Variants in NAV3 observed in about 807,000 individuals in gnomAD.
NAV3 encodes the protein neuron navigator 3, also known as pore membrane and/or filament interacting like protein 1.
In NAV3, 87 loss-of-function variants were observed where a neutral mutation model predicts 244.7. That is an observed-to-expected ratio of 0.36 (90% CI 0.30 to 0.42). The LOEUF is 0.42. Ranked by LOEUF, NAV3 falls within the 20% of genes least tolerant of loss-of-function variation. NAV3 has a pLI of 1.00. For missense variants in NAV3, 2,663 were observed against 2,893.3 expected, an observed-to-expected ratio of 0.92 and a Z score of 1.83; for synonymous variants, 1,126 against 1,042.2, an observed-to-expected ratio of 1.08 and a Z score of -1.55.
At chr12:78,121,258 C>A (rs553317890) in intron 15 of NAV3, among the ~76,000 whole-genome samples, 3 of 152,292 alleles carry the variant, frequency 2.0e-5, no homozygotes, top group Non-Finnish European at 2.9e-5. Context: ...CTGAACTAAA[C>A]TCCAAAATCT....
intron 2 of NAV3, among the ~76,000 whole-genome samples, chr12:77,809,451 G>A (rs1005448953): frequency 6.6e-6 from 1 of 152,268 alleles, no homozygotes; most frequent in South Asian, 2.1e-4. Flanking sequence ...TGTGCTTCCC[G>A]GGTGAGGTGA....
At chr12:78,120,104 T>A (rs1955607748) in intron 15 of NAV3, among the ~76,000 whole-genome samples, 159 bp downstream of exon 15, 1 of 151,892 alleles carries the variant, frequency 6.6e-6, no homozygotes, top group Non-Finnish European at 1.5e-5. Context: ...CTATGAAGCT[T>A]ATCATATAAA....
intron 2 of NAV3, among the ~76,000 whole-genome samples, chr12:77,813,901 G>A (rs773019745): frequency 2.7e-4 from 41 of 152,082 alleles, no homozygotes; most frequent in Non-Finnish European, 5.1e-4. Flanking sequence ...ATACATCTCA[G>A]CGATTTTTAA....
rs1218112040 is a variant in NAV3 at position 77,831,689 on chromosome 12, G to A, written c.228G>A (p.Glu76=). ...EKKPLQGKAK[E]KEDSKIYTDW... The stretch of plus-strand genomic sequence containing the variant: ...AACCCCTCCAAGGAAAAGCCAAGGA[G>A]AAAGAAGACAGCAAGGTTAGTTGCT... Residue 76 remains glutamate (E), a synonymous_variant, in exon 1 of 40, where the codon GAG becomes GAA. Transcript: ENST00000397909. 8 of 1,606,742 alleles carry A rather than the reference G, an allele frequency of 5.0e-6. No homozygotes were observed. The highest frequency in any genetic ancestry group is 6.8e-6 in the Non-Finnish European group (8 of 1,177,770).
chr12:78,160,907 C>A (rs1423575444), intron 23 of NAV3, among the ~76,000 whole-genome samples: 1 of 151,446 alleles, frequency 6.6e-6, no homozygotes, highest in African/African-American at 2.4e-5. Flanking sequence ...TTCCTTCCTG[C>A]CTCTTTTCTA....
chr12:78,078,280 A>C (rs749472528), intron 12 of NAV3, among the ~76,000 whole-genome samples: 4 of 151,326 alleles, frequency 2.6e-5, no homozygotes, highest in Admixed American at 2.0e-4. Flanking sequence ...TACACAATTC[A>C]ACCGATAACA....
intron 6 of NAV3, among the ~76,000 whole-genome samples, chr12:77,997,513 A>G (rs1416591255): frequency 6.6e-6 from 1 of 152,192 alleles, no homozygotes; most frequent in African/African-American, 2.4e-5. Context: ...TAATTATAAG[A>G]TAGTCTGTTC....
intron 2 of NAV3, among the ~76,000 whole-genome samples, chr12:77,600,711 A>G (rs899472408): frequency 6.6e-6 from 1 of 151,930 alleles, no homozygotes; most frequent in Admixed American, 6.6e-5. Context: ...ATGAATAGAA[A>G]CATGGTCAGA....
intron 6 of NAV3, among the ~76,000 whole-genome samples, chr12:77,996,909 C>G (rs1872434926): frequency 6.6e-6 from 1 of 152,068 alleles, no homozygotes; most frequent in South Asian, 2.1e-4. Context: ...CTAAACAAAA[C>G]TTTCAATATC....
In NAV3 at chr12:78,119,721, C is replaced by G. The variant is rs768738816; in HGVS notation, c.3525C>G (p.Thr1175=). The G allele has an allele frequency of 2.5e-6, 4 of 1,614,182 alleles. No individual in the cohort carries two copies. The highest frequency in any genetic ancestry group is 1.7e-5 in the Admixed American group (1 of 60,026). ...NVSSKSAGAT[T]SKLREPTKIG... The stretch of plus-strand genomic sequence containing the variant: ...GCAGCAAGTCTGCTGGGGCCACCAC[C>G]TCGAAACTGAGAGAACCAACTAAAA... The change falls in exon 15 of 40, where the codon ACC becomes ACG. Residue 1175 remains threonine (T), a synonymous_variant. Coordinates refer to ENST00000397909, the MANE Select transcript of NAV3 (RefSeq NM_001024383.2).
chr12:77,825,298 A>C (rs1361380195), intron 2 of NAV3, among the ~76,000 whole-genome samples: 1 of 152,228 alleles, frequency 6.6e-6, no homozygotes, highest in Non-Finnish European at 1.5e-5. Context: ...CCAGAAATGG[A>C]AATTATGTGG....
intron 2 of NAV3, among the ~76,000 whole-genome samples, chr12:77,665,642 A>G (rs1431671283): frequency 6.6e-6 from 1 of 152,202 alleles, no homozygotes; most frequent in South Asian, 2.1e-4. Flanking sequence ...AAACTATTAA[A>G]CATCTACTTT....
rs756315235 is a variant in NAV3, at chr12:78,137,343, A to G, written c.4608A>G (p.Ser1536=). Residue 1536 remains serine, a synonymous_variant, in exon 19 of 40, where the codon TCA becomes TCG. Transcript: ENST00000397909. ...CTCGTGCCATCAGTCATTCGGGCTC[A>G]TTCAGAGACAGCATGGAAGAAGGTA... ...ERPRAISHSG[S]FRDSMEEVHG... is the part of the protein sequence containing the mutation. The G allele has an allele frequency of 3.1e-6, 5 of 1,612,304 alleles. No homozygotes were observed. In the Admixed American group the frequency reaches 8.3e-5, roughly 27 times the overall value.
intron 12 of NAV3, among the ~76,000 whole-genome samples, chr12:78,083,440 A>G (rs1388572035): frequency 6.6e-6 from 1 of 152,168 alleles, no homozygotes; most frequent in Admixed American, 6.5e-5. Context: ...TATCCCTCCT[A>G]GTTATCATTT....
chr12:78,198,065 G>T (rs1190905799), intron 35 of NAV3, among the ~76,000 whole-genome samples: 1 of 151,692 alleles, frequency 6.6e-6, no homozygotes, highest in Non-Finnish European at 1.5e-5. Context: ...GATTCATTGT[G>T]GCATGGCCTC....
intron 1 of NAV3, among the ~76,000 whole-genome samples, chr12:77,872,720 C>T (rs181649611): frequency 6.6e-6 from 1 of 152,260 alleles, no homozygotes; most frequent in Non-Finnish European, 1.5e-5. Context: ...TAATATCCCT[C>T]CTTTGTGAAC....
upstream of NAV3, among the ~76,000 whole-genome samples, chr12:77,828,592 A>G (rs1873261351): frequency 6.6e-6 from 1 of 152,172 alleles, no homozygotes; most frequent in African/African-American, 2.4e-5. Flanking sequence ...CCTAGGTCTC[A>G]AAACGGTGTG....
At chr12:78,111,774 A>T (rs1955105267) in intron 12 of NAV3, among the ~76,000 whole-genome samples, 1 of 152,134 alleles carries the variant, frequency 6.6e-6, no homozygotes, top group South Asian at 2.1e-4. Context: ...CTCTTGATAT[A>T]TGTCTTTTCA....
At chr12:77,694,024 G>A (rs1024317357) in intron 2 of NAV3, among the ~76,000 whole-genome samples, 2 of 152,006 alleles carry the variant, frequency 1.3e-5, no homozygotes, top group African/African-American at 4.8e-5. Flanking sequence ...CTACAGTAAT[G>A]CAATCCCCTA....
Sources: gnomAD v4.1 joint callset for allele counts (sites outside exome capture counted in the v4.1 genomes callset) on GRCh38, gnomAD v4.1.1 for gene constraint, MANE v1.5 for transcripts, NCBI Gene and HGNC (gene_info 2026-07-23, HGNC 2026-07-21) for gene names.